The following ELOVL4 variants were observed in gnomAD, a reference collection of about 807,000 sequenced individuals.
ELOVL4 encodes the protein ELOVL fatty acid elongase 4.
In ELOVL4, 18 loss-of-function variants were observed where a neutral mutation model predicts 42.1. The ratio of observed to expected loss-of-function variants is 0.43; its 90% CI spans 0.30 to 0.63. The LOEUF (loss-of-function observed/expected upper bound fraction) is 0.63, where lower values mean the gene tolerates loss of function less well. Among genes scored for constraint, ELOVL4 ranks in the 30% least tolerant of loss-of-function variants. ELOVL4 has a pLI of 0.15. For missense variants in ELOVL4, 299 were observed against 376.2 expected, an observed-to-expected ratio of 0.79 and a Z score of 1.70; for synonymous variants, 117 against 127.0, an observed-to-expected ratio of 0.92 and a Z score of 0.53.
intron 1 of ELOVL4, among the ~76,000 whole-genome samples, chr6:79,931,099 G>A (rs1173847592): frequency 1.3e-5 from 2 of 151,816 alleles, no homozygotes; most frequent in African/African-American, 4.8e-5. Flanking sequence ...GGGGTGGAGG[G>A]GGAAAAAATG....
chr6:79,941,800 G>C (rs1774650968), intron 1 of ELOVL4, among the ~76,000 whole-genome samples: 2 of 152,242 alleles, frequency 1.3e-5, no homozygotes, highest in South Asian at 4.1e-4. Context: ...GCTAGATTAA[G>C]AGGGTCATCT....
At chr6:79,936,128 C>T (rs992444801) in intron 1 of ELOVL4, among the ~76,000 whole-genome samples, 2 of 152,166 alleles carry the variant, frequency 1.3e-5, no homozygotes, top group African/African-American at 4.8e-5. Context: ...TCAGCCACTT[C>T]CTCATCTTCT....
chr6:79,941,322 G>T (rs1756998617), intron 1 of ELOVL4, among the ~76,000 whole-genome samples: 1 of 152,102 alleles, frequency 6.6e-6, no homozygotes, highest in Admixed American at 6.6e-5. Flanking sequence ...CTAAAACCTA[G>T]GTCATCTAAA....
At chr6:79,916,995 C>T in intron 5 of ELOVL4, 112 bp from the exon 6 acceptor site, 1 of 1,221,286 alleles carries the variant, frequency 8.2e-7, no homozygotes, top group Non-Finnish European at 1.2e-6. Flanking sequence ...CCACACTGTG[C>T]AAAATTTATT....
At chr6:79,943,408 A>G (rs2127702650) in intron 1 of ELOVL4, among the ~76,000 whole-genome samples, 1 of 152,272 alleles carries the variant, frequency 6.6e-6, no homozygotes, top group African/African-American at 2.4e-5. Context: ...CTTTTGCCCT[A>G]GTATGCCTCT....
In ELOVL4 at chr6:79,915,893, C is replaced by T. The variant is rs760448822; in HGVS notation, c.*715G>A. ...TGCTACTAACAGGAGTATTCAAATG[C>T]TGCCTTTTCATCACAAAAAATTGTT... On this transcript the variant is annotated 3_prime_UTR_variant, in exon 6 of 6. Transcript: ENST00000369816. 3 of 152,632 alleles carry T rather than the reference C, an allele frequency of 2.0e-5. No individual in the cohort carries two copies. The East Asian group carries it at 5.8e-4, about 29-fold the overall frequency. The allele number at this position is 152,632 out of a possible 1,614,324, so 9.5% of individuals were successfully genotyped here.
At position 79,926,256 on chromosome 6, in the gene ELOVL4, G is replaced by GC; in HGVS notation, c.225dup (p.Arg76AlafsTer8). On this transcript the variant is annotated frameshift_variant, in exon 2 of 6. Transcript: ENST00000369816. LOFTEE classifies it high-confidence loss of function. ...AAATTATAGATAATGAGCACTAGAC[G>GC]CATCTGAAAAGGTTCTCGGTCCTTC... The GC allele has an allele frequency of 6.2e-7, 1 of 1,613,864 alleles. No homozygotes were observed. The highest frequency in any genetic ancestry group is 8.5e-7 in the Non-Finnish European group (1 of 1,179,938).
In ELOVL4 at chr6:79,917,720, C is replaced by A. The variant is rs554980959; in HGVS notation, c.670-837G>T. The stretch of plus-strand genomic sequence containing the variant: ...ACTGTAATCCCAGCTACTCAGGAGG[C>A]TGAAGCAGAAGAATAGCTTGAACCC... On this transcript the variant is annotated intron_variant, in intron 5 of 5. Transcript: ENST00000369816. Among the ~76,000 whole-genome samples, 3 of 152,232 alleles carry A rather than the reference C, an allele frequency of 2.0e-5. No individual in the cohort carries two copies. In the East Asian group the frequency reaches 5.8e-4, roughly 29 times the overall value.
At position 79,923,986 on chromosome 6, in the gene ELOVL4, C is replaced by T. The variant is rs112044163; in HGVS notation, c.369+966G>A. 4.7e-3 allele frequency among the ~76,000 whole-genome samples: 711 copies of T among 151,632 alleles called. 9 individuals carry two copies. The highest frequency in any genetic ancestry group is 0.016 in the African/African-American group (676 of 41,298). On this transcript the variant is annotated intron_variant, in intron 3 of 5. Transcript: ENST00000369816. ...GGGAAGCCACTAGATATTATTACTACATATACTATAGGTAACATAAAACAT... is the reference window on the plus strand; with the variant it reads ...GGGAAGCCACTAGATATTATTACTATATATACTATAGGTAACATAAAACAT...
At position 79,947,513 on chromosome 6, in the gene ELOVL4, A is replaced by G. The variant is rs1212210081; in HGVS notation, c.-234T>C. The G allele has an allele frequency of 3.6e-6, 2 of 553,634 alleles. No individual in the cohort carries two copies. The highest frequency in any genetic ancestry group is 6.5e-5 in the East Asian group (2 of 30,850). The allele number at this position is 553,634 out of a possible 1,614,324, so 34.3% of individuals were successfully genotyped here. The stretch of plus-strand genomic sequence containing the variant: ...TCCCGGGAGAAAGACGAGGAGGTGG[A>G]GGAGGCCCAGCCGCCAGCACAGTGC... On this transcript the variant is annotated 5_prime_UTR_variant, in exon 1 of 6. Coordinates refer to ENST00000369816, the MANE Select transcript of ELOVL4 (RefSeq NM_022726.4).
chr6:79,932,684 CAA>C (rs1416606469), intron 1 of ELOVL4, among the ~76,000 whole-genome samples: 1 of 152,116 alleles, frequency 6.6e-6, no homozygotes, highest in Non-Finnish European at 1.5e-5. Flanking sequence ...TCATATACTC[CAA>C]AGTCATATAC....
intron 1 of ELOVL4, among the ~76,000 whole-genome samples, chr6:79,938,155 C>T (rs933623219): frequency 6.6e-6 from 1 of 152,220 alleles, no homozygotes; most frequent in Non-Finnish European, 1.5e-5. Context: ...AATGTTGCCT[C>T]GTTTCCTGGA....
At chr6:79,932,231 C>T (rs966787384) in intron 1 of ELOVL4, among the ~76,000 whole-genome samples, 2 of 152,048 alleles carry the variant, frequency 1.3e-5, no homozygotes, top group African/African-American at 2.4e-5. Flanking sequence ...TTACTATTTG[C>T]GTATTATTCC....
chr6:79,917,827 A>G (rs1176573081), intron 5 of ELOVL4, among the ~76,000 whole-genome samples: 1 of 152,228 alleles, frequency 6.6e-6, no homozygotes, highest in Non-Finnish European at 1.5e-5. Flanking sequence ...GTCCCAAAAA[A>G]AGAAAAAAAT....
At chr6:79,922,370 T>A (rs139638076) in intron 3 of ELOVL4, among the ~76,000 whole-genome samples, 1 of 151,804 alleles carries the variant, frequency 6.6e-6, no homozygotes, top group Admixed American at 6.6e-5. Context: ...AAATAAAAAA[T>A]TGGAATGAAC....
At chr6:79,938,732 G>A (rs993463932) in intron 1 of ELOVL4, among the ~76,000 whole-genome samples, 1 of 152,132 alleles carries the variant, frequency 6.6e-6, no homozygotes, top group Admixed American at 6.5e-5. Flanking sequence ...ATATTTAGAT[G>A]TCTTTCTTTA....
intron 1 of ELOVL4, among the ~76,000 whole-genome samples, chr6:79,932,190 T>A (rs1257247874): frequency 6.6e-6 from 1 of 152,186 alleles, no homozygotes; most frequent in Admixed American, 6.5e-5. Context: ...TTTGTCAAAA[T>A]TCAAAAACTG....
intron 4 of ELOVL4, 29 bp downstream of exon 4, chr6:79,921,596 G>T: frequency 6.3e-7 from 1 of 1,590,152 alleles, no homozygotes; most frequent in South Asian, 1.1e-5. Context: ...GCAATTAAAC[G>T]CAAGCAGTAT....
At chr6:79,924,631 T>C (rs1278012694) in intron 3 of ELOVL4, among the ~76,000 whole-genome samples, 4 of 151,208 alleles carry the variant, frequency 2.6e-5, no homozygotes, top group Non-Finnish European at 5.9e-5. Flanking sequence ...CGGCTGGGAG[T>C]TCAAGACCAG....
Sources: allele counts gnomAD v4.1 joint callset (sites outside exome capture counted in the v4.1 genomes callset), GRCh38; gene constraint gnomAD v4.1.1; transcripts MANE v1.5; gene names NCBI Gene and HGNC (gene_info 2026-07-23, HGNC 2026-07-21).